The following RAB3GAP1 variants were observed in gnomAD, a reference collection of about 807,000 sequenced individuals.
RAB3GAP1 encodes rab3 GTPase-activating protein catalytic subunit.
Under a neutral mutation model 130.7 loss-of-function variants are expected in RAB3GAP1, and 86 were observed. The observed-to-expected ratio is 0.66, with a 90% CI of 0.55 to 0.79. The LOEUF (loss-of-function observed/expected upper bound fraction) is 0.79. Among genes scored for constraint, RAB3GAP1 ranks in the 30% least tolerant of loss-of-function variants. RAB3GAP1 has a pLI of 0.00. For synonymous variants in RAB3GAP1, 367 were observed against 401.7 expected (o/e 0.91, Z 1.03); for missense variants, 1,029 against 1,169.4 (o/e 0.88, Z 1.75).
chr2:135,172,463 T>C (rs1030665522), downstream of RAB3GAP1, among the ~76,000 whole-genome samples: 10 of 150,334 alleles, frequency 6.7e-5, no homozygotes, highest in African/African-American at 2.4e-4. Flanking sequence ...CATTGGCCAC[T>C]GTGTGGAAAA....
chr2:135,143,447 CTATTA>C (rs1691902328), intron 17 of RAB3GAP1, among the ~76,000 whole-genome samples: 1 of 151,244 alleles, frequency 6.6e-6, no homozygotes, highest in Non-Finnish European at 1.5e-5. Context: ...TTGATTTCTT[CTATTA>C]TTTCTTTGCT....
intron 13 of RAB3GAP1, 21 bp from the exon 14 acceptor site, chr2:135,132,873 TA>T (rs781251633): frequency 7.9e-6 from 11 of 1,386,596 alleles, no homozygotes; most frequent in Admixed American, 3.4e-5. Context: ...AAAATGTGAT[TA>T]TTTTTTTCCT....
At chr2:135,117,498 T>C (rs746834531) in intron 7 of RAB3GAP1, among the ~76,000 whole-genome samples, 19 of 72,820 alleles carry the variant, frequency 2.6e-4, no homozygotes, top group African/African-American at 1.1e-3. Context: ...TTCTTCTGCT[T>C]CTTCTTCTTC....
In RAB3GAP1 at chr2:135,150,654, C is replaced by T. The variant is rs569680297; in HGVS notation, c.2061+148C>T. ...TAGTAGTTCAACACTCTGCCACCATCCCCCCAGAGGACATAGTCAAACTTG... is the reference window on the plus strand; with the variant it reads ...TAGTAGTTCAACACTCTGCCACCATTCCCCCAGAGGACATAGTCAAACTTG... On this transcript the variant is annotated intron_variant, in intron 18 of 23. Transcript: ENST00000264158. 5.2e-5 allele frequency: 53 copies of T among 1,025,044 alleles called. No homozygotes were observed. In the African/African-American group the frequency reaches 7.2e-4, roughly 14 times the overall value. 63.5% of individuals were successfully genotyped at this position (1,025,044 alleles called of 1,614,324 possible).
intron 5 of RAB3GAP1, among the ~76,000 whole-genome samples, chr2:135,104,517 G>A (rs973350937): frequency 6.6e-6 from 1 of 152,050 alleles, no homozygotes; most frequent in African/African-American, 2.4e-5. Context: ...AATACTAACA[G>A]TGAGTTACAT....
intron 12 of RAB3GAP1, 141 bp downstream of exon 12, chr2:135,130,228 C>A: frequency 1.4e-6 from 1 of 738,376 alleles, no homozygotes; most frequent in Non-Finnish European, 2.3e-6. Context: ...AGCTACAGTT[C>A]CTTTCCAGGC....
intron 3 of RAB3GAP1, among the ~76,000 whole-genome samples, chr2:135,088,855 A>G (rs1690060995): frequency 1.3e-5 from 2 of 152,002 alleles, no homozygotes; most frequent in South Asian, 2.1e-4. Context: ...CCCATTCTGT[A>G]GGTTGCCTGT....
rs557690189 is a variant in RAB3GAP1, at chr2:135,153,823, A to G, written c.2236A>G (p.Ile746Val). The change falls in exon 19 of 24, where the codon ATT becomes GTT. Residue 746 changes from isoleucine (I) to valine (V), a missense_variant. Transcript: ENST00000264158. Reference sequence around the variant, plus strand: ...AGAAGCCTGGGAAACAGCTAAGCCAATTCCTGCTAGAAGGCAAAGGAGACT... The same window carrying G: ...AGAAGCCTGGGAAACAGCTAAGCCAGTTCCTGCTAGAAGGCAAAGGAGACT... ...WVEAWETAKP[I>V]PARRQRRLFD... 1.2e-5 allele frequency: 19 copies of G among 1,614,038 alleles called. No individual in the cohort carries two copies. In the African/African-American group the frequency reaches 2.3e-4, roughly 19 times the overall value.
At chr2:135,162,679 G>A (rs1220277317) in intron 20 of RAB3GAP1, 28 bp downstream of exon 20, 2 of 1,606,444 alleles carry the variant, frequency 1.2e-6, no homozygotes, top group African/African-American at 1.3e-5. Flanking sequence ...CTAGTCATTA[G>A]TCATTTCCAA....
intron 14 of RAB3GAP1, among the ~76,000 whole-genome samples, 164 bp downstream of exon 14, chr2:135,133,148 A>G (rs1409936568): frequency 1.3e-5 from 2 of 152,174 alleles, no homozygotes; most frequent in Non-Finnish European, 2.9e-5. Flanking sequence ...TAGCACAGAT[A>G]CATATTTTGG....
chr2:135,059,802 G>C (rs1689116781), intron 3 of RAB3GAP1, among the ~76,000 whole-genome samples: 2 of 152,124 alleles, frequency 1.3e-5, no homozygotes, highest in African/African-American at 4.8e-5. Context: ...TGAAGTCATA[G>C]CTCCAGTCTG....
intron 3 of RAB3GAP1, among the ~76,000 whole-genome samples, chr2:135,068,050 G>A (rs1296115563): frequency 6.6e-6 from 1 of 152,102 alleles, no homozygotes; most frequent in African/African-American, 2.4e-5. Flanking sequence ...TCTCTTACAA[G>A]TATTTACTAG....
At chr2:135,068,015 C>T (rs561612879) in intron 3 of RAB3GAP1, among the ~76,000 whole-genome samples, 1 of 152,298 alleles carries the variant, frequency 6.6e-6, no homozygotes, top group Non-Finnish European at 1.5e-5. Flanking sequence ...GCTAGGATTA[C>T]AGGTGTGATC....
intron 3 of RAB3GAP1, chr2:135,058,705 C>A (rs1235637621): frequency 6.6e-6 from 1 of 152,266 alleles, no homozygotes; most frequent in African/African-American, 2.4e-5. Flanking sequence ...ATAAACCACA[C>A]CCCAAATGTT....
chr2:135,157,194 T>C (rs953506949), intron 19 of RAB3GAP1, among the ~76,000 whole-genome samples: 1 of 152,156 alleles, frequency 6.6e-6, no homozygotes, highest in African/African-American at 2.4e-5. Flanking sequence ...TTTTTCTTAA[T>C]TTTTTATAGA....
intron 7 of RAB3GAP1, among the ~76,000 whole-genome samples, chr2:135,117,410 T>TTCTTCTTCC (rs1691003923): frequency 1.4e-5 from 1 of 69,920 alleles, no homozygotes; most frequent in Admixed American, 1.8e-4. Context: ...AATACTTTAT[T>TTCTTCTTCC]TCTTCTTCTT....
rs1301547788 is a variant in RAB3GAP1, at chr2:135,113,276, T to C, written c.482+6T>C. On this transcript the variant is annotated splice_donor_region_variant and intron_variant, in intron 6 of 23. Coordinates refer to ENST00000264158, the MANE Select transcript of RAB3GAP1 (RefSeq NM_012233.3). ...GCCTTGGGAAACACTGGCTGGTGAG[T>C]GGACATTTTTTAAAACCTAGACAAA... The C allele has an allele frequency of 6.2e-7, 1 of 1,613,996 alleles. No homozygotes were observed. The highest frequency in any genetic ancestry group is 8.5e-7 in the Non-Finnish European group (1 of 1,179,998).
At position 135,169,031 on chromosome 2, in the gene RAB3GAP1, GGT is replaced by G; in HGVS notation, c.*252_*253del. 1 of 524,284 alleles carries G rather than the reference GGT, an allele frequency of 1.9e-6. No homozygotes were observed. Among genetic ancestry groups the G allele is most frequent in the African/African-American group, 2.0e-5 (1 of 49,962 alleles). 32.5% of individuals were successfully genotyped at this position (524,284 alleles called of 1,614,324 possible). On this transcript the variant is annotated 3_prime_UTR_variant, in exon 24 of 24. Coordinates refer to ENST00000264158, the MANE Select transcript of RAB3GAP1 (RefSeq NM_012233.3). ...TAGAGATGGCCTTTGTATATGGGGG[GGT>G]GGTGGGGGGACACAAACACATCAGA...
intron 11 of RAB3GAP1, 38 bp downstream of exon 11, chr2:135,126,694 A>G: frequency 6.6e-7 from 1 of 1,519,242 alleles, no homozygotes; most frequent in South Asian, 1.1e-5. Context: ...AATACTGCTG[A>G]TCTGCCTAAC....
Sources: gnomAD v4.1 joint callset for allele counts (sites outside exome capture counted in the v4.1 genomes callset) on GRCh38, gnomAD v4.1.1 for gene constraint, MANE v1.5 for transcripts, NCBI Gene and HGNC (gene_info 2026-07-23, HGNC 2026-07-21) for gene names.